Variants in CLSTN2 observed in about 807,000 individuals in gnomAD.
The protein encoded by CLSTN2 is calsyntenin-2.
CLSTN2 carries 48 observed loss-of-function variants against 101.2 expected under a neutral mutation model. That is an observed-to-expected ratio of 0.47 (90% CI 0.38 to 0.60). CLSTN2 has a LOEUF of 0.60. Ranked by LOEUF, CLSTN2 falls within the 20% of genes least tolerant of loss-of-function variation. The pLI is 0.00. For synonymous variants in CLSTN2, 481 were observed against 463.6 expected (o/e 1.04, Z -0.48); for missense variants, 1,160 against 1,238.2 (o/e 0.94, Z 0.95).
intron 2 of CLSTN2, among the ~76,000 whole-genome samples, chr3:140,190,118 A>G (rs1384507680): frequency 1.3e-5 from 2 of 152,124 alleles, no homozygotes; most frequent in African/African-American, 4.8e-5. Flanking sequence ...TGCCCTCATG[A>G]CTTAATGACC....
intron 2 of CLSTN2, among the ~76,000 whole-genome samples, chr3:140,213,538 C>G (rs1253417566): frequency 6.6e-6 from 1 of 152,176 alleles, no homozygotes; most frequent in Admixed American, 6.5e-5. Flanking sequence ...GAGCACATGG[C>G]CCACAGGCCT....
intron 1 of CLSTN2, among the ~76,000 whole-genome samples, chr3:140,122,967 T>G (rs1170175797): frequency 6.6e-6 from 1 of 152,090 alleles, no homozygotes; most frequent in African/African-American, 2.4e-5. Flanking sequence ...GGAGAGGTAG[T>G]TAGTTCATGA....
chr3:140,119,701 G>A (rs1423312097), intron 1 of CLSTN2, among the ~76,000 whole-genome samples: 8 of 152,112 alleles, frequency 5.3e-5, no homozygotes, highest in African/African-American at 1.4e-4. Context: ...TGGAGACAGG[G>A]TTTTGCCATG....
At chr3:140,405,309 C>T (rs2088291050) in intron 4 of CLSTN2, among the ~76,000 whole-genome samples, 1 of 151,962 alleles carries the variant, frequency 6.6e-6, no homozygotes, top group Non-Finnish European at 1.5e-5. Context: ...CTCACTGCAA[C>T]CTCCACGTCC....
At chr3:140,416,078 C>T (rs972774046) in intron 4 of CLSTN2, among the ~76,000 whole-genome samples, 17 of 152,108 alleles carry the variant, frequency 1.1e-4, no homozygotes, top group Non-Finnish European at 2.1e-4. Context: ...ACCCGAAGGA[C>T]GTTATGCTAA....
chr3:140,085,165 G>T (rs972121726), intron 1 of CLSTN2, among the ~76,000 whole-genome samples: 5 of 152,180 alleles, frequency 3.3e-5, no homozygotes, highest in Admixed American at 1.3e-4. Flanking sequence ...TTCATCCAGG[G>T]TCTCTGTGGA....
intron 8 of CLSTN2, among the ~76,000 whole-genome samples, chr3:140,494,500 G>T (rs141380447): frequency 1.3e-5 from 2 of 152,302 alleles, no homozygotes; most frequent in Admixed American, 6.5e-5. Context: ...TGCAGGATAT[G>T]CAGGCTTGTT....
chr3:140,395,654 T>A (rs2088173610), intron 2 of CLSTN2, among the ~76,000 whole-genome samples: 1 of 152,244 alleles, frequency 6.6e-6, no homozygotes, highest in Admixed American at 6.5e-5. Context: ...AAACTCAATG[T>A]TCTGTTACAA....
chr3:140,242,581 T>C (rs2107869164), intron 2 of CLSTN2, among the ~76,000 whole-genome samples: 1 of 152,304 alleles, frequency 6.6e-6, no homozygotes, highest in East Asian at 1.9e-4. Context: ...CCCTACTTTT[T>C]CCACTTGGTT....
chr3:140,330,781 T>G (rs1233491955), intron 2 of CLSTN2, among the ~76,000 whole-genome samples: 1 of 152,200 alleles, frequency 6.6e-6, no homozygotes. Context: ...TACCACTTGT[T>G]CTGTGCACAT....
chr3:140,415,299 A>G (rs538241902), intron 4 of CLSTN2, among the ~76,000 whole-genome samples: 4 of 152,158 alleles, frequency 2.6e-5, no homozygotes, highest in African/African-American at 9.6e-5. Flanking sequence ...TTAATTTGAT[A>G]GCAAAAGCAT....
At chr3:140,068,957 A>G (rs577162064) in intron 1 of CLSTN2, among the ~76,000 whole-genome samples, 1 of 152,344 alleles carries the variant, frequency 6.6e-6, no homozygotes, top group South Asian at 2.1e-4. Context: ...TTTGATAATA[A>G]TAGAATCTCT....
intron 1 of CLSTN2, among the ~76,000 whole-genome samples, chr3:139,937,510 G>A (rs577828586): frequency 7.3e-5 from 11 of 151,716 alleles, no homozygotes; most frequent in Admixed American, 6.6e-4. Flanking sequence ...GCCGAGGCGG[G>A]CGGATCACCT....
chr3:140,424,791 C>A (rs1407027007), intron 5 of CLSTN2, among the ~76,000 whole-genome samples: 1 of 152,036 alleles, frequency 6.6e-6, no homozygotes, highest in Non-Finnish European at 1.5e-5. Flanking sequence ...TTCAGGGGAC[C>A]AGTGAACAAT....
intron 1 of CLSTN2, among the ~76,000 whole-genome samples, chr3:140,025,603 T>A (rs1023893046): frequency 1.3e-5 from 2 of 151,762 alleles, no homozygotes; most frequent in African/African-American, 4.8e-5. Flanking sequence ...GAGGAGGGAG[T>A]TAAAATGTTC....
At chr3:140,090,083 G>A (rs777042337) in intron 1 of CLSTN2, among the ~76,000 whole-genome samples, 4 of 146,164 alleles carry the variant, frequency 2.7e-5, no homozygotes, top group African/African-American at 5.1e-5. Flanking sequence ...GAAATTTATG[G>A]TGGAGCTGGA....
chr3:140,224,477 C>A (rs1296894929), intron 2 of CLSTN2, among the ~76,000 whole-genome samples: 1 of 152,118 alleles, frequency 6.6e-6, no homozygotes, highest in Non-Finnish European at 1.5e-5. Flanking sequence ...TAATGAGGAG[C>A]CCTGCCAGCA....
At chr3:140,262,529 TTGA>T (rs2086662027) in intron 2 of CLSTN2, among the ~76,000 whole-genome samples, 2 of 152,274 alleles carry the variant, frequency 1.3e-5, no homozygotes, top group Non-Finnish European at 2.9e-5. Flanking sequence ...AGTAATATTG[TTGA>T]TGGGGAGTGA....
chr3:140,261,900 A>G (rs2086657471), intron 2 of CLSTN2, among the ~76,000 whole-genome samples: 1 of 152,116 alleles, frequency 6.6e-6, no homozygotes, highest in South Asian at 2.1e-4. Context: ...TTTATGGCTT[A>G]TCTTAGCTAC....
Sources: allele counts gnomAD v4.1 joint callset (sites outside exome capture counted in the v4.1 genomes callset), GRCh38; gene constraint gnomAD v4.1.1; transcripts MANE v1.5; gene names NCBI Gene and HGNC (gene_info 2026-07-23, HGNC 2026-07-21).